The following SLC25A28 variants were observed in gnomAD, a reference collection of about 807,000 sequenced individuals.
SLC25A28 encodes the protein solute carrier family 25 member 28.
Under a neutral mutation model 31.9 loss-of-function variants are expected in SLC25A28, and 10 were observed. That is an observed-to-expected ratio of 0.31 (90% CI 0.19 to 0.53). The LOEUF is 0.53. Ranked by LOEUF, SLC25A28 falls within the 20% of genes least tolerant of loss-of-function variation. SLC25A28 has a pLI of 0.95. For synonymous variants in SLC25A28, 208 were observed against 203.6 expected (o/e 1.02, Z -0.19); for missense variants, 256 against 490.3 (o/e 0.52, Z 4.51).
intron 1 of SLC25A28, chr10:99,618,639 C>T: frequency 1.0e-6 from 1 of 985,422 alleles, no homozygotes; most frequent in Non-Finnish European, 1.2e-6. Flanking sequence ...TTGACAAGGA[C>T]ATTTAACATT....
chr10:99,610,576 A>C lies in SLC25A28; in HGVS notation c.*273T>G. ...AGGGGAATGAGCTGCTTATCCCTCT[A>C]TAACAGTCTAGAGCAGGTCATCAGG... On this transcript the variant is annotated 3_prime_UTR_variant, in exon 4 of 4. Transcript: ENST00000370495. 1 of 459,610 alleles carries C rather than the reference A, an allele frequency of 2.2e-6. No individual in the cohort carries two copies. 28.5% of individuals were successfully genotyped at this position (459,610 alleles called of 1,614,324 possible). A position where few individuals can be genotyped will look rare whatever the true frequency, so the allele number is the denominator to read the frequency against.
chr10:99,620,862 T>C (rs1180994598), upstream of SLC25A28: 1 of 985,362 alleles, frequency 1.0e-6, no homozygotes, highest in Admixed American at 6.1e-5. Flanking sequence ...CCTGCAGAGC[T>C]GCGGTCCCTG....
At chr10:99,651,809 G>A in the SLC25A28 span, among the ~76,000 whole-genome samples, 1 of 151,838 alleles carries the variant, frequency 6.6e-6, no homozygotes, top group Admixed American at 6.6e-5. Context: ...GTGTTGCTCA[G>A]GCTGGCCGTG....
the SLC25A28 span, among the ~76,000 whole-genome samples, chr10:99,628,933 T>G: frequency 6.6e-6 from 1 of 152,222 alleles, no homozygotes; most frequent in Non-Finnish European, 1.5e-5. Context: ...GGTGAGAATG[T>G]AAAATCATTC....
the SLC25A28 span, among the ~76,000 whole-genome samples, chr10:99,637,208 T>C: frequency 2.1e-5 from 3 of 142,120 alleles, no homozygotes; most frequent in Non-Finnish European, 4.6e-5. Flanking sequence ...TCTCAATAGA[T>C]GCAGAAAAGG....
At chr10:99,628,583 G>T in the SLC25A28 span, among the ~76,000 whole-genome samples, 25 of 152,166 alleles carry the variant, frequency 1.6e-4, no homozygotes, top group Admixed American at 1.6e-3. Flanking sequence ...CCAGCACTTT[G>T]GGAGGCTAAG....
At chr10:99,654,101 T>C in the SLC25A28 span, among the ~76,000 whole-genome samples, 1 of 152,128 alleles carries the variant, frequency 6.6e-6, no homozygotes, top group East Asian at 1.9e-4. Flanking sequence ...GTGAGAAAAG[T>C]TATAATCAAT....
chr10:99,657,889 C>T, the SLC25A28 span, among the ~76,000 whole-genome samples: 1 of 152,082 alleles, frequency 6.6e-6, no homozygotes, highest in Non-Finnish European at 1.5e-5. Flanking sequence ...TTTTTGTTCA[C>T]TACTAAGCTT....
At chr10:99,619,484 A>G in intron 1 of SLC25A28, 11 of 911,044 alleles carry the variant, frequency 1.2e-5, no homozygotes, top group Non-Finnish European at 1.2e-5. Flanking sequence ...CATTACTTCC[A>G]GTCTGGAATT....
Position 99,611,391 on chromosome 10 carries a change from GA to G in SLC25A28, c.578-26del. 6.2e-7 allele frequency: 1 copy of G among 1,609,578 alleles called. No individual in the cohort carries two copies. Among genetic ancestry groups the G allele is most frequent in the South Asian group, 1.1e-5 (1 of 90,816 alleles). ...ACTAGTAGTGCCATCAACGAGGAAG[GA>G]AATGGTGACAGCAGCCAACCGGTGA... is the stretch of plus-strand genomic sequence containing the variant. On this transcript the variant is annotated intron_variant, in intron 3 of 3. Transcript: ENST00000370495. This position sits in a 1 kb window ranked among gnomAD's most constrained non-coding sequence, Gnocchi z 5.5.
At chr10:99,658,278 G>C in the SLC25A28 span, among the ~76,000 whole-genome samples, 1 of 152,160 alleles carries the variant, frequency 6.6e-6, no homozygotes, top group Non-Finnish European at 1.5e-5. Flanking sequence ...CCTTGTCATA[G>C]TAAGCTTTGA....
In SLC25A28 at chr10:99,620,035, C is replaced by G; in HGVS notation, c.291+10G>C. On this transcript the variant is annotated intron_variant, in intron 1 of 3. Transcript: ENST00000370495. ...CCCAGGTCGGGTTCGAAGCCGGGTGCAGGTCTCACCTTGACGCAGTCGATG... is the reference window on the plus strand; with the variant it reads ...CCCAGGTCGGGTTCGAAGCCGGGTGGAGGTCTCACCTTGACGCAGTCGATG... 1 of 1,571,026 alleles carries G rather than the reference C, an allele frequency of 6.4e-7. No homozygotes were observed. The highest frequency in any genetic ancestry group is 8.6e-7 in the Non-Finnish European group (1 of 1,165,412).
At chr10:99,622,607 C>T (rs2034817608), upstream of SLC25A28, 1 of 979,176 alleles carries the variant, frequency 1.0e-6, no homozygotes, top group South Asian at 4.7e-5. Context: ...TTTTTCTTAA[C>T]AGAGATAACA....
chr10:99,620,679 G>A, upstream of SLC25A28: 1 of 986,888 alleles, frequency 1.0e-6, no homozygotes, highest in Non-Finnish European at 1.2e-6. Flanking sequence ...CGATCAACCC[G>A]CCTCTGACTT....
chr10:99,656,235 A>G, the SLC25A28 span, among the ~76,000 whole-genome samples: 2 of 152,138 alleles, frequency 1.3e-5, no homozygotes, highest in South Asian at 2.1e-4. Context: ...AGGGGCACTC[A>G]GGAGGGGCAT....
At chr10:99,638,286 T>C in the SLC25A28 span, among the ~76,000 whole-genome samples, 1 of 152,148 alleles carries the variant, frequency 6.6e-6, no homozygotes, top group East Asian at 1.9e-4. Flanking sequence ...TATACAAAAA[T>C]CAACTCAACA....
At chr10:99,633,111 G>A in the SLC25A28 span, among the ~76,000 whole-genome samples, 1 of 151,986 alleles carries the variant, frequency 6.6e-6, no homozygotes. Flanking sequence ...AGTTATGAAG[G>A]CAGCAAACAT....
chr10:99,626,743 G>A, the SLC25A28 span, among the ~76,000 whole-genome samples: 2 of 151,618 alleles, frequency 1.3e-5, no homozygotes, highest in African/African-American at 4.8e-5. Context: ...AGCCCATGTG[G>A]GATATTCTGT....
chr10:99,650,201 A>G, the SLC25A28 span, among the ~76,000 whole-genome samples: 1 of 152,072 alleles, frequency 6.6e-6, no homozygotes, highest in African/African-American at 2.4e-5. Flanking sequence ...TTTTTCAGAC[A>G]GGGTTTCATT....
Sources: allele counts gnomAD v4.1 joint callset (sites outside exome capture counted in the v4.1 genomes callset), GRCh38; gene constraint gnomAD v4.1.1; non-coding constraint Gnocchi (gnomAD v3.1); transcripts MANE v1.5; gene names NCBI Gene and HGNC (gene_info 2026-07-23, HGNC 2026-07-21).